Variants in DCTN6 observed in about 807,000 individuals in gnomAD.
DCTN6 encodes dynactin subunit 6.
Under a neutral mutation model 25.8 loss-of-function variants are expected in DCTN6, and 15 were observed. That is an observed-to-expected ratio of 0.58 (90% CI 0.39 to 0.89). DCTN6 has a LOEUF of 0.89. Among genes scored for constraint, DCTN6 ranks in the 40% least tolerant of loss-of-function variants. The pLI, the probability that DCTN6 is intolerant of heterozygous loss-of-function variation, is 0.00. For synonymous variants in DCTN6, 64 were observed against 78.3 expected, an observed-to-expected ratio of 0.82 and a Z score of 0.96; for missense variants, 198 against 237.6, an observed-to-expected ratio of 0.83 and a Z score of 1.09.
At chr8:30,171,806 A>G (rs942314620) in intron 2 of DCTN6, among the ~76,000 whole-genome samples, 8 of 152,228 alleles carry the variant, frequency 5.3e-5, no homozygotes, top group Admixed American at 2.6e-4. Context: ...TTTAAGAACC[A>G]TGGTCCAGAC....
rs986025477 is a variant in DCTN6 at position 30,167,830 on chromosome 8, C to G, written c.88+3655C>G. ...TCTTGTGTCTCAGCCTCCCAAGTAG[C>G]CAGAATTACAGGCATGTGCCACCAC... On this transcript the variant is annotated intron_variant, in intron 2 of 6. Transcript: ENST00000221114. Among the ~76,000 whole-genome samples, 32 of 152,162 alleles carry G rather than the reference C, an allele frequency of 2.1e-4. 1 individual carries two copies. Among genetic ancestry groups the G allele is most frequent in the African/African-American group, 7.7e-4 (32 of 41,512 alleles).
At chr8:30,172,598 G>A (rs987687058) in intron 2 of DCTN6, among the ~76,000 whole-genome samples, 1 of 151,940 alleles carries the variant, frequency 6.6e-6, no homozygotes, top group Non-Finnish European at 1.5e-5. Flanking sequence ...CCACAGGTGT[G>A]CACCACCATG....
chr8:30,162,449 A>T (rs1803609830), intron 1 of DCTN6, among the ~76,000 whole-genome samples: 1 of 152,268 alleles, frequency 6.6e-6, no homozygotes, highest in South Asian at 2.1e-4. Flanking sequence ...TGAAAAATCC[A>T]AACAAAATTA....
intron 1 of DCTN6, among the ~76,000 whole-genome samples, chr8:30,160,842 C>G (rs546227566): frequency 3.3e-5 from 5 of 152,160 alleles, no homozygotes; most frequent in Non-Finnish European, 7.4e-5. Context: ...AGGGATGCGA[C>G]TGTATGCACT....
rs994191051 is a variant in DCTN6 at position 30,163,470 on chromosome 8, A to G, written c.24-641A>G. ...TATTCATTCTTTTTGATGGCCATGTAATAGTCCATAATGTGCCATAATTTA... is the reference window on the plus strand; with the variant it reads ...TATTCATTCTTTTTGATGGCCATGTGATAGTCCATAATGTGCCATAATTTA... On this transcript the variant is annotated intron_variant, in intron 1 of 6. Transcript: ENST00000221114. 3.9e-5 allele frequency among the ~76,000 whole-genome samples: 6 copies of G among 152,220 alleles called. No homozygotes were observed. The East Asian group carries it at 5.8e-4, about 15-fold the overall frequency.
intron 1 of DCTN6, among the ~76,000 whole-genome samples, chr8:30,162,612 A>G (rs1204241856): frequency 6.6e-6 from 1 of 152,216 alleles, no homozygotes; most frequent in Non-Finnish European, 1.5e-5. Context: ...CATTTGATGT[A>G]CTTCCTCATG....
chr8:30,170,183 AAAAAAGTTCACC>A (rs968944698), intron 2 of DCTN6, among the ~76,000 whole-genome samples: 1 of 152,068 alleles, frequency 6.6e-6, no homozygotes. Context: ...CAAAAAAAAA[AAAAAAGTTCACC>A]AAACCAAAAT....
intron 1 of DCTN6, among the ~76,000 whole-genome samples, chr8:30,162,365 A>G (rs928161660): frequency 6.6e-6 from 1 of 152,258 alleles, no homozygotes; most frequent in Non-Finnish European, 1.5e-5. Context: ...TCCTGGGATT[A>G]CAGGTGTGAG....
chr8:30,157,532 C>T (rs1444536497), intron 1 of DCTN6, among the ~76,000 whole-genome samples: 8 of 152,312 alleles, frequency 5.3e-5, no homozygotes, highest in Admixed American at 1.3e-4. Flanking sequence ...TTTGAGAAAT[C>T]ACCATACTAT....
chr8:30,162,222 T>C (rs1191548513), intron 1 of DCTN6, among the ~76,000 whole-genome samples: 1 of 152,130 alleles, frequency 6.6e-6, no homozygotes, highest in African/African-American at 2.4e-5. Flanking sequence ...CCCCAGTAGC[T>C]GGGACTACAG....
At chr8:30,164,473 T>A (rs1803639194) in intron 2 of DCTN6, among the ~76,000 whole-genome samples, 1 of 152,240 alleles carries the variant, frequency 6.6e-6, no homozygotes, top group Admixed American at 6.5e-5. Flanking sequence ...TAGAGACACG[T>A]CAGTAAGCAC....
chr8:30,182,330 C>T (rs1172938837), intron 6 of DCTN6, among the ~76,000 whole-genome samples: 1 of 152,072 alleles, frequency 6.6e-6, no homozygotes, highest in Non-Finnish European at 1.5e-5. Context: ...TCAGGAAAAT[C>T]TGGGCAGTAC....
At position 30,177,116 on chromosome 8, in the gene DCTN6, C is replaced by G. The variant is rs771034031; in HGVS notation, c.195-10C>G. The G allele has an allele frequency of 2.5e-6, 4 of 1,597,524 alleles. No homozygotes were observed. The highest frequency in any genetic ancestry group is 3.4e-6 in the Non-Finnish European group (4 of 1,172,650). On this transcript the variant is annotated splice_polypyrimidine_tract_variant and intron_variant, in intron 3 of 6. Coordinates refer to ENST00000221114, the MANE Select transcript of DCTN6 (RefSeq NM_006571.4). Reference sequence around the variant, plus strand: ...TGACTTTTTGGATGATTTGTTTCTTCTGTTTACAGTTACCCAGATAATATC... The same window carrying G: ...TGACTTTTTGGATGATTTGTTTCTTGTGTTTACAGTTACCCAGATAATATC...
rs1342308673 is a variant in DCTN6, at chr8:30,170,017, C to CA, written c.89-5062dup. 8.6e-5 allele frequency among the ~76,000 whole-genome samples: 13 copies of CA among 152,032 alleles called. 2 individuals carry two copies. Among genetic ancestry groups the CA allele is most frequent in the African/African-American group, 2.7e-4 (11 of 41,468 alleles). On this transcript the variant is annotated intron_variant, in intron 2 of 6. Coordinates refer to ENST00000221114, the MANE Select transcript of DCTN6 (RefSeq NM_006571.4). Reference sequence around the variant, plus strand: ...GTGAAACCCCGTCTCTCCTAAAATACAAAAAATTAGCTGGGCGTGGTGGTG... The same window carrying CA: ...GTGAAACCCCGTCTCTCCTAAAATACAAAAAAATTAGCTGGGCGTGGTGGTG...
In DCTN6 at chr8:30,170,211, G is replaced by A. The variant is rs554316848; in HGVS notation, c.89-4874G>A. Among the ~76,000 whole-genome samples, 286 of 151,954 alleles carry A rather than the reference G, an allele frequency of 1.9e-3. 1 individual carries two copies. Among genetic ancestry groups the A allele is most frequent in the Middle Eastern group, 3.4e-3 (1 of 294 alleles). On this transcript the variant is annotated intron_variant, in intron 2 of 6. Transcript: ENST00000221114. ...AAAGTTCACCAAACCAAAATCTAGCGGTTATGTATCCTGAAGTACGCTTAT... is the reference window on the plus strand; with the variant it reads ...AAAGTTCACCAAACCAAAATCTAGCAGTTATGTATCCTGAAGTACGCTTAT...
chr8:30,183,175 A>G lies in DCTN6; in HGVS notation c.*2A>G. On this transcript the variant is annotated 3_prime_UTR_variant, in exon 7 of 7. Coordinates refer to ENST00000221114, the MANE Select transcript of DCTN6 (RefSeq NM_006571.4). The stretch of plus-strand genomic sequence containing the variant: ...AGCTCAACTCCAGTAAAGAACTAAG[A>G]ACAGTGTATAACATGAAGATAACAT... The G allele has an allele frequency of 6.2e-7, 1 of 1,610,184 alleles. No individual in the cohort carries two copies. Among genetic ancestry groups the G allele is most frequent in the Non-Finnish European group, 8.5e-7 (1 of 1,176,912 alleles).
At chr8:30,180,700 T>TTG in intron 6 of DCTN6, 70 bp downstream of exon 6, 1 of 1,535,088 alleles carries the variant, frequency 6.5e-7, no homozygotes, top group Non-Finnish European at 8.9e-7. Flanking sequence ...ATTGTCTTCA[T>TTG]GAGGCAGCAG....
intron 2 of DCTN6, among the ~76,000 whole-genome samples, chr8:30,174,120 C>T (rs1468874668): frequency 6.6e-6 from 1 of 152,322 alleles, no homozygotes; most frequent in South Asian, 2.1e-4. Flanking sequence ...GGGCTCCCCA[C>T]GCCAAAGTCC....
chr8:30,178,651 GA>G (rs1022735156), intron 4 of DCTN6, among the ~76,000 whole-genome samples: 2 of 151,886 alleles, frequency 1.3e-5, no homozygotes, highest in African/African-American at 4.8e-5. Flanking sequence ...TGTTTTTAAA[GA>G]TTTTTTTTTT....
Sources: allele counts gnomAD v4.1 joint callset (sites outside exome capture counted in the v4.1 genomes callset), GRCh38; gene constraint gnomAD v4.1.1; transcripts MANE v1.5; gene names NCBI Gene and HGNC (gene_info 2026-07-23, HGNC 2026-07-21).